Variants in CLEC16A observed in about 807,000 individuals in gnomAD.
The protein encoded by CLEC16A is C-type lectin domain containing 16A, also known as protein CLEC16A.
A neutral mutation model predicts 109.5 loss-of-function variants in CLEC16A; 51 were observed. The ratio of observed to expected loss-of-function variants is 0.47; its 90% confidence interval spans 0.37 to 0.59. CLEC16A has a LOEUF of 0.59. CLEC16A is among the 20% of genes least tolerant of loss of function. The probability of loss-of-function intolerance (pLI) is 0.00; values close to 1 mark genes in which losing one functional copy is unlikely to be tolerated. For synonymous variants in CLEC16A, 673 were observed against 564.2 expected (o/e 1.19, Z -2.73); for missense variants, 1,339 against 1,394.0 (o/e 0.96, Z 0.63).
intron 6 of CLEC16A, among the ~76,000 whole-genome samples, 156 bp downstream of exon 6, chr16:10,972,715 A>G (rs2042852981): frequency 6.6e-6 from 1 of 152,168 alleles, no homozygotes. Flanking sequence ...CAACTAATTT[A>G]TTTTTAAGTA....
rs547700205 is a variant in CLEC16A at position 11,108,833 on chromosome 16, G to A, written c.2117-11782G>A. 2.8e-4 allele frequency among the ~76,000 whole-genome samples: 43 copies of A among 152,234 alleles called. No individual in the cohort carries two copies. The East Asian group carries it at 4.7e-3, about 16-fold the overall frequency. On this transcript the variant is annotated intron_variant, in intron 19 of 23. Coordinates refer to ENST00000409790, the MANE Select transcript of CLEC16A (RefSeq NM_015226.3). Reference sequence around the variant, plus strand: ...TTGTCATTGATGAAACTACTGGGCCGGGCGCGGTGGCTCATGCCTGTAATC... The same window carrying A: ...TTGTCATTGATGAAACTACTGGGCCAGGCGCGGTGGCTCATGCCTGTAATC...
At chr16:10,956,134 C>G (rs189624020) in intron 1 of CLEC16A, among the ~76,000 whole-genome samples, 2 of 152,300 alleles carry the variant, frequency 1.3e-5, no homozygotes, top group East Asian at 1.9e-4. Flanking sequence ...CCTCCCGCAG[C>G]CTTTTGGTAG....
At chr16:11,064,673 G>T (rs1448377146) in intron 19 of CLEC16A, among the ~76,000 whole-genome samples, 1 of 152,086 alleles carries the variant, frequency 6.6e-6, no homozygotes, top group African/African-American at 2.4e-5. Context: ...GATACTTGAG[G>T]GGCTGAGGTG....
chr16:11,028,799 T>A (rs559474952), intron 13 of CLEC16A, among the ~76,000 whole-genome samples: 1 of 152,336 alleles, frequency 6.6e-6, no homozygotes, highest in African/African-American at 2.4e-5. Context: ...TTTTTAAACC[T>A]TTCTTCTCTA....
chr16:11,159,571 T>C (rs75182526), intron 22 of CLEC16A, among the ~76,000 whole-genome samples: 2 of 152,252 alleles, frequency 1.3e-5, no homozygotes, highest in African/African-American at 4.8e-5. Context: ...TGAAAAGGGC[T>C]GTCATAGGGC....
intron 19 of CLEC16A, among the ~76,000 whole-genome samples, chr16:11,084,594 TG>T (rs2049908132): frequency 6.6e-6 from 1 of 152,198 alleles, no homozygotes; most frequent in African/African-American, 2.4e-5. Context: ...ACACTTTGCG[TG>T]GGTCTCTTTC....
At chr16:11,037,107 A>C (rs2047065070) in intron 13 of CLEC16A, among the ~76,000 whole-genome samples, 2 of 152,172 alleles carry the variant, frequency 1.3e-5, no homozygotes, top group South Asian at 4.1e-4. Context: ...ATCAAAACAA[A>C]GTTCCTCCCG....
chr16:11,084,977 T>TG (rs1014416704), intron 19 of CLEC16A, among the ~76,000 whole-genome samples: 9 of 152,206 alleles, frequency 5.9e-5, no homozygotes, highest in Non-Finnish European at 1.0e-4. Context: ...GCCCTGAGTT[T>TG]GGGGAGGCCT....
chr16:10,949,097 G>T (rs2041588505), intron 1 of CLEC16A, among the ~76,000 whole-genome samples: 1 of 152,172 alleles, frequency 6.6e-6, no homozygotes, highest in South Asian at 2.1e-4. Context: ...GAAAAGAGTG[G>T]TTCCCCATGG....
chr16:11,177,420 G>A (rs2068794049), intron 23 of CLEC16A, among the ~76,000 whole-genome samples: 1 of 152,056 alleles, frequency 6.6e-6, no homozygotes, highest in South Asian at 2.1e-4. Context: ...GGCCAACATG[G>A]TGAAACCTCA....
intron 10 of CLEC16A, among the ~76,000 whole-genome samples, chr16:10,983,210 A>C (rs12920845): frequency 7.2e-5 from 11 of 152,192 alleles, no homozygotes; most frequent in Non-Finnish European, 1.3e-4. Flanking sequence ...TGTGTTCTTA[A>C]ACATGGAATT....
chr16:11,174,286 C>T lies in CLEC16A; in HGVS notation c.2807-4049C>T. 2 of 454,392 alleles carry T rather than the reference C, an allele frequency of 4.4e-6. No homozygotes were observed. Among genetic ancestry groups the T allele is most frequent in the South Asian group, 1.6e-5 (1 of 64,366 alleles). The allele number at this position is 454,392 out of a possible 1,614,324, so 28.1% of individuals were successfully genotyped here. ...ACGCACAGTCAATTCAGGCAGGTCT[C>T]CCCTGTGAGCCGCTCGGGCCGCGAC... On this transcript the variant is annotated intron_variant, in intron 23 of 23. Transcript: ENST00000409790. The surrounding 1 kb of genome is among the most constrained non-coding windows in gnomAD (Gnocchi z 4.7).
chr16:11,070,656 C>T (rs930531482), intron 19 of CLEC16A: 1 of 152,172 alleles, frequency 6.6e-6, no homozygotes, highest in African/African-American at 2.4e-5. Context: ...TCAAAGTGGG[C>T]TCCCATGCCA....
chr16:11,042,213 C>G, intron 14 of CLEC16A, 41 bp from the exon 15 acceptor site: 2 of 1,491,970 alleles, frequency 1.3e-6, no homozygotes, highest in Non-Finnish European at 1.8e-6. Flanking sequence ...TAAGGGCGCC[C>G]CACCCTGGGT....
intron 8 of CLEC16A, 81 bp downstream of exon 8, chr16:10,977,480 C>A (rs955601264): frequency 4.1e-6 from 5 of 1,229,498 alleles, no homozygotes; most frequent in Non-Finnish European, 5.7e-6. Flanking sequence ...TGGAATGGGG[C>A]TGAGCATTGC....
chr16:11,114,532 A>G (rs2051837280), intron 19 of CLEC16A, among the ~76,000 whole-genome samples: 1 of 151,920 alleles, frequency 6.6e-6, no homozygotes, highest in Non-Finnish European at 1.5e-5. Flanking sequence ...GTACCTTAGC[A>G]CTCAGCATAC....
intron 19 of CLEC16A, among the ~76,000 whole-genome samples, chr16:11,079,669 T>G (rs2049592093): frequency 6.6e-6 from 1 of 152,120 alleles, no homozygotes; most frequent in African/African-American, 2.4e-5. Flanking sequence ...CTAAATGCAG[T>G]TGGGGTTTTC....
At chr16:10,995,491 G>C (rs1216956695) in intron 10 of CLEC16A, among the ~76,000 whole-genome samples, 1 of 152,222 alleles carries the variant, frequency 6.6e-6, no homozygotes. Flanking sequence ...AAGTTGCTGG[G>C]AGCTTGGGAG....
At chr16:11,021,202 T>A (rs2046079039) in intron 12 of CLEC16A, among the ~76,000 whole-genome samples, 1 of 152,372 alleles carries the variant, frequency 6.6e-6, no homozygotes. Flanking sequence ...CCTCCACATC[T>A]TATTTGTCTC....
Sources: gnomAD v4.1 joint callset for allele counts (sites outside exome capture counted in the v4.1 genomes callset) on GRCh38, gnomAD v4.1.1 for gene constraint, Gnocchi (gnomAD v3.1) non-coding constraint, MANE v1.5 for transcripts, NCBI Gene and HGNC (gene_info 2026-07-23, HGNC 2026-07-21) for gene names.